The following RASGRF2 variants were observed in gnomAD, a reference collection of about 807,000 sequenced individuals.
RASGRF2 encodes ras-specific guanine nucleotide-releasing factor 2.
RASGRF2 carries 76 observed loss-of-function variants against 151.0 expected under a neutral mutation model. The observed-to-expected ratio is 0.50, with a 90% CI of 0.42 to 0.61. The LOEUF (loss-of-function observed/expected upper bound fraction) is 0.61. Among genes scored for constraint, RASGRF2 ranks in the 20% least tolerant of loss-of-function variants. The pLI is 0.00. For missense variants in RASGRF2, 1,148 were observed against 1,564.6 expected (o/e 0.73, Z 4.49); for synonymous variants, 504 against 566.5 (o/e 0.89, Z 1.57).
At chr5:81,177,868 A>T (rs546819530) in intron 17 of RASGRF2, among the ~76,000 whole-genome samples, 1 of 152,304 alleles carries the variant, frequency 6.6e-6, no homozygotes, top group East Asian at 1.9e-4. Flanking sequence ...CCCTGGGGTA[A>T]GGATGAATGA....
intron 1 of RASGRF2, among the ~76,000 whole-genome samples, chr5:80,987,486 A>G (rs895140389): frequency 6.6e-6 from 1 of 152,216 alleles, no homozygotes; most frequent in Admixed American, 6.5e-5. Flanking sequence ...TTTCAGCTTC[A>G]TGAAAAGACA....
intron 26 of RASGRF2, among the ~76,000 whole-genome samples, chr5:81,222,913 G>T (rs1755884655): frequency 6.6e-6 from 1 of 152,064 alleles, no homozygotes; most frequent in African/African-American, 2.4e-5. Context: ...AAGAAAAACT[G>T]ATAAATTACT....
chr5:81,134,338 T>C (rs1753702194), intron 17 of RASGRF2, among the ~76,000 whole-genome samples: 1 of 152,020 alleles, frequency 6.6e-6, no homozygotes, highest in South Asian at 2.1e-4. Flanking sequence ...GTGTTTTAGG[T>C]GTAGATATGG....
At position 81,113,529 on chromosome 5, in the gene RASGRF2, C is replaced by A; in HGVS notation, c.2088-9C>A. On this transcript the variant is annotated splice_polypyrimidine_tract_variant and intron_variant, in intron 14 of 26. Transcript: ENST00000265080. ...ACAATCTCTTAGCCACTTTTGCTCT[C>A]ATTTTTAGGTCATTGGAATTGTTTT... The A allele has an allele frequency of 6.2e-7, 1 of 1,601,076 alleles. No homozygotes were observed. The highest frequency in any genetic ancestry group is 1.1e-5 in the South Asian group (1 of 90,212).
At chr5:81,165,498 C>A (rs1318540472) in intron 17 of RASGRF2, among the ~76,000 whole-genome samples, 1 of 152,174 alleles carries the variant, frequency 6.6e-6, no homozygotes, top group Non-Finnish European at 1.5e-5. Context: ...CTTTTCAATT[C>A]TTGAATTCTA....
intron 17 of RASGRF2, among the ~76,000 whole-genome samples, chr5:81,166,263 T>C (rs551131550): frequency 1.3e-5 from 2 of 152,258 alleles, no homozygotes; most frequent in South Asian, 4.2e-4. Flanking sequence ...CTCAGCTCAC[T>C]GCAACCTCTG....
chr5:81,182,937 C>G (rs1754950472), intron 18 of RASGRF2, among the ~76,000 whole-genome samples: 1 of 152,228 alleles, frequency 6.6e-6, no homozygotes, highest in Non-Finnish European at 1.5e-5. Context: ...TGTCAACCAA[C>G]CCTCACCCTT....
chr5:81,137,969 T>A (rs896918300), intron 17 of RASGRF2, among the ~76,000 whole-genome samples: 1 of 152,254 alleles, frequency 6.6e-6, no homozygotes, highest in Non-Finnish European at 1.5e-5. Context: ...ATTTATGTTA[T>A]CTGGCTAGAA....
chr5:80,996,248 A>T (rs1205299631), intron 1 of RASGRF2, among the ~76,000 whole-genome samples: 1 of 152,120 alleles, frequency 6.6e-6, no homozygotes, highest in Non-Finnish European at 1.5e-5. Flanking sequence ...TAAAATAACC[A>T]CATAAACTGT....
chr5:81,122,939 C>T (rs779165390), intron 15 of RASGRF2, among the ~76,000 whole-genome samples: 1 of 152,106 alleles, frequency 6.6e-6, no homozygotes, highest in Admixed American at 6.6e-5. Context: ...AAGATTTTCA[C>T]GTGTTTCCTG....
intron 17 of RASGRF2, among the ~76,000 whole-genome samples, chr5:81,138,222 C>G (rs1340790813): frequency 6.6e-6 from 1 of 152,128 alleles, no homozygotes; most frequent in Non-Finnish European, 1.5e-5. Flanking sequence ...TTTTAATGGA[C>G]TGGCATCTTG....
intron 4 of RASGRF2, among the ~76,000 whole-genome samples, chr5:81,071,219 A>G (rs186424255): frequency 3.0e-4 from 46 of 152,336 alleles, no homozygotes; most frequent in Non-Finnish European, 6.6e-4. Flanking sequence ...ATAAGTGGAA[A>G]GCATCATATT....
At chr5:80,964,248 A>C (rs548747734) in intron 1 of RASGRF2, among the ~76,000 whole-genome samples, 25 of 152,292 alleles carry the variant, frequency 1.6e-4, no homozygotes, top group African/African-American at 6.0e-4. Flanking sequence ...AAACAATTTT[A>C]AGTGGTTTAT....
intron 1 of RASGRF2, among the ~76,000 whole-genome samples, chr5:80,969,715 T>G (rs141006708): frequency 0.02 from 2,993 of 151,512 alleles, 97 homozygotes; most frequent in African/African-American, 0.07. Context: ...CCTCCCAAAG[T>G]GCTGGGATTA....
intron 1 of RASGRF2, among the ~76,000 whole-genome samples, chr5:80,986,318 T>C (rs1050665946): frequency 3.3e-5 from 5 of 152,198 alleles, no homozygotes; most frequent in Non-Finnish European, 5.9e-5. Flanking sequence ...AACCAAGCAC[T>C]CTGGAAGTCT....
chr5:81,201,746 C>A (rs1197159468), intron 19 of RASGRF2, among the ~76,000 whole-genome samples: 1 of 152,140 alleles, frequency 6.6e-6, no homozygotes, highest in Non-Finnish European at 1.5e-5. Context: ...TCCTGCAAGT[C>A]CGGCAGGCAT....
chr5:81,048,698 G>A (rs797010978), intron 2 of RASGRF2, among the ~76,000 whole-genome samples: 88 of 152,256 alleles, frequency 5.8e-4, no homozygotes, highest in African/African-American at 2.1e-3. Flanking sequence ...CTCTTTGCCT[G>A]CTCCAGGAGA....
At chr5:81,027,012 A>AT (rs889268751) in intron 1 of RASGRF2, among the ~76,000 whole-genome samples, 1 of 152,196 alleles carries the variant, frequency 6.6e-6, no homozygotes, top group South Asian at 2.1e-4. Flanking sequence ...CCTGCTTCTT[A>AT]TTTTTTCCCC....
intron 17 of RASGRF2, among the ~76,000 whole-genome samples, chr5:81,160,451 C>T (rs1561237422): frequency 6.7e-6 from 1 of 150,140 alleles, no homozygotes; most frequent in East Asian, 2.0e-4. Context: ...GCAGACAGAT[C>T]ACGAGGTCAG....
Sources: allele counts gnomAD v4.1 joint callset (sites outside exome capture counted in the v4.1 genomes callset), GRCh38; gene constraint gnomAD v4.1.1; transcripts MANE v1.5; gene names NCBI Gene and HGNC (gene_info 2026-07-23, HGNC 2026-07-21).